The following TRAPPC9 variants were observed in gnomAD, a reference collection of about 807,000 sequenced individuals.
TRAPPC9 encodes the protein trafficking protein particle complex subunit 9, also known as IKK2 binding protein.
TRAPPC9 carries 83 observed loss-of-function variants against 124.0 expected under a neutral mutation model. The observed-to-expected ratio is 0.67, with a 90% CI of 0.56 to 0.80. The LOEUF is 0.80. TRAPPC9 is among the 30% of genes least tolerant of loss of function. The pLI, the probability that TRAPPC9 is intolerant of heterozygous loss-of-function variation, is 0.00. For missense variants in TRAPPC9, 1,302 were observed against 1,508.3 expected (o/e 0.86, Z 2.27); for synonymous variants, 638 against 617.5 (o/e 1.03, Z -0.49).
At chr8:140,233,623 C>CACA (rs1554648047) in intron 16 of TRAPPC9, among the ~76,000 whole-genome samples, 7 of 90,862 alleles carry the variant, frequency 7.7e-5, no homozygotes, top group Admixed American at 6.6e-4. Context: ...TCTCTCCCCA[C>CACA]CACACACACA....
At chr8:140,156,787 A>T (rs2061638269) in intron 17 of TRAPPC9, among the ~76,000 whole-genome samples, 1 of 152,242 alleles carries the variant, frequency 6.6e-6, no homozygotes, top group African/African-American at 2.4e-5. Context: ...TGTGGAATGG[A>T]GATATTGCAG....
rs560098255 is a variant in TRAPPC9 at position 140,425,926 on chromosome 8, C to A, written c.886+689G>T. On this transcript the variant is annotated intron_variant, in intron 5 of 22. Coordinates refer to ENST00000438773, the MANE Select transcript of TRAPPC9 (RefSeq NM_001160372.4). ...TGAACGCAAATGTTAAAACCAACGC[C>A]TGCAAACCTGGGGCAACTTCATTTC... Among the ~76,000 whole-genome samples, 6 of 152,298 alleles carry A rather than the reference C, an allele frequency of 3.9e-5. No individual in the cohort carries two copies. The East Asian group carries it at 1.2e-3, about 29-fold the overall frequency.
chr8:139,906,397 G>A (rs938125636), intron 20 of TRAPPC9, among the ~76,000 whole-genome samples: 7 of 152,190 alleles, frequency 4.6e-5, no homozygotes, highest in Admixed American at 2.6e-4. Flanking sequence ...AGGGCTGGGC[G>A]CTACTCAGAG....
chr8:140,002,759 T>C (rs1838481468), intron 18 of TRAPPC9, among the ~76,000 whole-genome samples: 1 of 150,292 alleles, frequency 6.7e-6, no homozygotes, highest in Non-Finnish European at 1.5e-5. Flanking sequence ...GATACAGTCA[T>C]TTTATTTTTG....
In TRAPPC9 at chr8:140,252,739, G is replaced by C; in HGVS notation, c.2431+38C>G. 1 of 1,608,902 alleles carries C rather than the reference G, an allele frequency of 6.2e-7. No homozygotes were observed. The highest frequency in any genetic ancestry group is 8.5e-7 in the Non-Finnish European group (1 of 1,179,510). ...ATGGGGGTTGCTACACAGTATCTAG[G>C]ACCCTGACGTGCTAATTAAAATTAG... On this transcript the variant is annotated intron_variant, in intron 16 of 22. Transcript: ENST00000438773. This position sits in a 1 kb window ranked among gnomAD's most constrained non-coding sequence, Gnocchi z 4.2.
At chr8:140,202,836 T>C (rs1037574691) in intron 17 of TRAPPC9, among the ~76,000 whole-genome samples, 2 of 152,202 alleles carry the variant, frequency 1.3e-5, no homozygotes, top group African/African-American at 4.8e-5. Flanking sequence ...TGAAGTATTC[T>C]AGGCAAAAAT....
intron 19 of TRAPPC9, among the ~76,000 whole-genome samples, chr8:139,988,240 G>A (rs1445147424): frequency 6.6e-6 from 1 of 151,500 alleles, no homozygotes; most frequent in Non-Finnish European, 1.5e-5. Flanking sequence ...AGCCTCCCGA[G>A]TAGCTGGGAT....
chr8:140,284,151 C>T (rs990395828), intron 13 of TRAPPC9, 130 bp from the exon 14 acceptor site: 38 of 1,208,262 alleles, frequency 3.1e-5, no homozygotes, highest in African/African-American at 1.2e-4. Context: ...CGGGGCCCGC[C>T]GGCGCTCACC....
At chr8:140,057,994 C>T (rs1437303857) in intron 17 of TRAPPC9, among the ~76,000 whole-genome samples, 3 of 152,316 alleles carry the variant, frequency 2.0e-5, no homozygotes, top group Middle Eastern at 3.4e-3. Context: ...CACCCAGCAA[C>T]GGCTGGCATT....
chr8:139,968,590 A>T lies in TRAPPC9; in HGVS notation c.2810+20136T>A, dbSNP rs369219422. On this transcript the variant is annotated intron_variant, in intron 19 of 22. Coordinates refer to ENST00000438773, the MANE Select transcript of TRAPPC9 (RefSeq NM_001160372.4). ...AGGGAGACGTTGTCTACTCCGGACA[A>T]GGCTCATGTGGAGGGGCCTCTTCCC... Among the ~76,000 whole-genome samples, 27 of 152,348 alleles carry T rather than the reference A, an allele frequency of 1.8e-4. No individual in the cohort carries two copies. In the East Asian group the frequency reaches 2.5e-3, roughly 14 times the overall value.
chr8:139,971,144 A>C, intron 19 of TRAPPC9, among the ~76,000 whole-genome samples: 2 of 150,472 alleles, frequency 1.3e-5, no homozygotes. Flanking sequence ...GCCAGTCGTC[A>C]CTCACCCCTT....
intron 22 of TRAPPC9, 107 bp from the exon 23 acceptor site, chr8:139,731,335 G>A (rs1201382856): frequency 8.0e-6 from 11 of 1,373,378 alleles, no homozygotes; most frequent in African/African-American, 2.9e-5. Context: ...TGGGGGAAGC[G>A]AGGGCCGCCC....
chr8:139,799,572 G>A (rs1021795233), intron 21 of TRAPPC9, among the ~76,000 whole-genome samples: 2 of 152,156 alleles, frequency 1.3e-5, no homozygotes, highest in Non-Finnish European at 2.9e-5. Flanking sequence ...GACTGCATTT[G>A]CTATCCAGTC....
intron 21 of TRAPPC9, among the ~76,000 whole-genome samples, chr8:139,791,090 G>T (rs900664065): frequency 6.6e-6 from 1 of 152,152 alleles, no homozygotes; most frequent in Non-Finnish European, 1.5e-5. Context: ...CCCAGCCTCA[G>T]GTATTCCTTG....
intron 19 of TRAPPC9, among the ~76,000 whole-genome samples, chr8:139,921,086 A>G (rs1832474462): frequency 6.6e-6 from 1 of 152,188 alleles, no homozygotes; most frequent in South Asian, 2.1e-4. Context: ...CACTCATGTA[A>G]TTTGGATCTT....
At chr8:140,287,758 T>A in intron 12 of TRAPPC9, 24 bp from the exon 13 acceptor site, 2 of 1,613,948 alleles carry the variant, frequency 1.2e-6, no homozygotes, top group Non-Finnish European at 1.7e-6. Context: ...CGCAGCATCG[T>A]AAGCCCGGAG....
intron 17 of TRAPPC9, among the ~76,000 whole-genome samples, chr8:140,134,267 C>CTT (rs61492002): frequency 8.8e-4 from 132 of 149,854 alleles, no homozygotes; most frequent in African/African-American, 2.9e-3. Context: ...TGATTGTCTT[C>CTT]TTTTTTTTTT....
chr8:139,898,250 C>T (rs1197957078), intron 20 of TRAPPC9, among the ~76,000 whole-genome samples: 1 of 152,250 alleles, frequency 6.6e-6, no homozygotes, highest in Non-Finnish European at 1.5e-5. Context: ...CCGTGCCTCA[C>T]TTCCACGGTA....
intron 19 of TRAPPC9, among the ~76,000 whole-genome samples, chr8:139,957,405 G>C (rs920646729): frequency 4.6e-5 from 7 of 152,204 alleles, no homozygotes; most frequent in African/African-American, 1.7e-4. Context: ...ATAAATGAAG[G>C]GATGTTTGGC....
Sources: gnomAD v4.1 joint callset for allele counts (sites outside exome capture counted in the v4.1 genomes callset) on GRCh38, gnomAD v4.1.1 for gene constraint, Gnocchi (gnomAD v3.1) non-coding constraint, MANE v1.5 for transcripts, NCBI Gene and HGNC (gene_info 2026-07-23, HGNC 2026-07-21) for gene names.